TTLL7: variants seen among roughly 807,000 people sequenced by gnomAD.
TTLL7 encodes the protein tubulin tyrosine ligase like 7.
In TTLL7, 53 loss-of-function variants were observed where a neutral mutation model predicts 120.2. The ratio of observed to expected loss-of-function variants is 0.44; its 90% CI spans 0.35 to 0.55. The LOEUF (loss-of-function observed/expected upper bound fraction) is 0.55. Ranked by LOEUF, TTLL7 falls within the 20% of genes least tolerant of loss-of-function variation. The probability of loss-of-function intolerance (pLI) is 0.00; values close to 1 mark genes in which losing one functional copy is unlikely to be tolerated. For missense variants in TTLL7, 803 were observed against 1,054.7 expected (o/e 0.76, Z 3.31); for synonymous variants, 353 against 351.7 (o/e 1.00, Z -0.04).
intron 1 of TTLL7, among the ~76,000 whole-genome samples, chr1:83,975,056 G>A (rs1363292080): frequency 1.3e-5 from 2 of 152,052 alleles, no homozygotes; most frequent in South Asian, 2.1e-4. Flanking sequence ...GATATGAAAA[G>A]TGCTCTGCAC....
chr1:83,931,887 TA>T (rs1659630677), intron 9 of TTLL7, among the ~76,000 whole-genome samples: 1 of 152,168 alleles, frequency 6.6e-6, no homozygotes, highest in Non-Finnish European at 1.5e-5. Context: ...TAACAATGTA[TA>T]TTAGCCCCAC....
intron 1 of TTLL7, among the ~76,000 whole-genome samples, chr1:83,994,654 G>C (rs1653320491): frequency 6.6e-6 from 1 of 152,162 alleles, no homozygotes; most frequent in African/African-American, 2.4e-5. Context: ...GGTCATCTCT[G>C]GCAAATGTAC....
intron 20 of TTLL7, among the ~76,000 whole-genome samples, chr1:83,878,924 TA>T (rs1363346385): frequency 6.6e-6 from 1 of 151,980 alleles, no homozygotes; most frequent in Non-Finnish European, 1.5e-5. Flanking sequence ...TTGGTAAAGA[TA>T]AACCTGGTCC....
chr1:83,950,337 A>G (rs915862611), intron 3 of TTLL7, among the ~76,000 whole-genome samples: 2 of 152,156 alleles, frequency 1.3e-5, no homozygotes, highest in African/African-American at 4.8e-5. Flanking sequence ...AGCTTTTTTT[A>G]TGACCTTCGG....
chr1:83,994,496 G>T (rs991191598), intron 1 of TTLL7, among the ~76,000 whole-genome samples: 1 of 152,204 alleles, frequency 6.6e-6, no homozygotes, highest in Non-Finnish European at 1.5e-5. Context: ...TCCCTACAAT[G>T]AATAGAGGAA....
intron 16 of TTLL7, among the ~76,000 whole-genome samples, chr1:83,906,998 A>G (rs1339780957): frequency 1.3e-5 from 2 of 152,064 alleles, no homozygotes; most frequent in Non-Finnish European, 1.5e-5. Flanking sequence ...ACAAGGGAAT[A>G]CTATATGTTA....
At chr1:83,871,502 A>T (rs1006117459) in intron 20 of TTLL7, among the ~76,000 whole-genome samples, 2 of 152,226 alleles carry the variant, frequency 1.3e-5, no homozygotes, top group Non-Finnish European at 2.9e-5. Flanking sequence ...AGGAATTTCC[A>T]AGAGCAGAAG....
intron 17 of TTLL7, among the ~76,000 whole-genome samples, chr1:83,905,602 T>C (rs935539610): frequency 6.6e-6 from 1 of 150,984 alleles, no homozygotes; most frequent in Non-Finnish European, 1.5e-5. Flanking sequence ...TATATTTTTA[T>C]ATATTTATAA....
In TTLL7 at chr1:83,869,873, C is replaced by T; in HGVS notation, c.*89G>A. 2.7e-6 allele frequency: 4 copies of T among 1,506,626 alleles called. No homozygotes were observed. The highest frequency in any genetic ancestry group is 3.6e-6 in the Non-Finnish European group (4 of 1,115,876). 93.3% of individuals were successfully genotyped at this position (1,506,626 alleles called of 1,614,324 possible). On this transcript the variant is annotated 3_prime_UTR_variant, in exon 21 of 21. Coordinates refer to ENST00000260505, the MANE Select transcript of TTLL7 (RefSeq NM_024686.6). The stretch of plus-strand genomic sequence containing the variant: ...TATGTCTTATATACATAAAACAGCA[C>T]TTAATGGTCATGTTCTTTGCATGTT...
intron 18 of TTLL7, among the ~76,000 whole-genome samples, chr1:83,891,363 G>C (rs905307952): frequency 8.6e-5 from 13 of 151,924 alleles, no homozygotes; most frequent in African/African-American, 3.1e-4. Context: ...AAAAATTAAG[G>C]CTATAATAAG....
rs1179342185 is a variant in TTLL7 at position 83,869,819 on chromosome 1, G to A, written c.*143C>T. The A allele has an allele frequency of 6.2e-6, 4 of 640,872 alleles. No homozygotes were observed. The highest frequency in any genetic ancestry group is 9.9e-6 in the Non-Finnish European group (4 of 405,206). 39.7% of individuals were successfully genotyped at this position (640,872 alleles called of 1,614,324 possible). The stretch of plus-strand genomic sequence containing the variant: ...TATAATAAATATATGTTATTAGGGT[G>A]CATATGTGCATATATTTTCACACAT... On this transcript the variant is annotated 3_prime_UTR_variant, in exon 21 of 21. Coordinates refer to ENST00000260505, the MANE Select transcript of TTLL7 (RefSeq NM_024686.6).
At chr1:83,943,945 T>C (rs974749713) in intron 6 of TTLL7, among the ~76,000 whole-genome samples, 1 of 151,974 alleles carries the variant, frequency 6.6e-6, no homozygotes, top group African/African-American at 2.4e-5. Flanking sequence ...TGAATAGTGA[T>C]AGAAAATTGG....
chr1:83,907,758 T>C lies in TTLL7; in HGVS notation c.1787-97A>G, dbSNP rs1239308374. The C allele has an allele frequency of 1.5e-5, 16 of 1,065,604 alleles. No individual in the cohort carries two copies. The South Asian group carries it at 2.4e-4, about 16-fold the overall frequency. The allele number at this position is 1,065,604 out of a possible 1,614,324, so 66.0% of individuals were successfully genotyped here. A position where few individuals can be genotyped will look rare whatever the true frequency, so the allele number is the denominator to read the frequency against. On this transcript the variant is annotated intron_variant, in intron 15 of 20. Coordinates refer to ENST00000260505, the MANE Select transcript of TTLL7 (RefSeq NM_024686.6). ...ATAAACTAAAGATTATAGCAGCTAG[T>C]AGTAAAGTAGCAATAAATGTCAAAG...
intron 3 of TTLL7, among the ~76,000 whole-genome samples, chr1:83,951,524 G>A (rs1478778876): frequency 6.6e-6 from 1 of 152,014 alleles, no homozygotes. Flanking sequence ...ATCTTATTAT[G>A]AAATTCACAG....
At chr1:83,983,120 T>C (rs1652124529) in intron 1 of TTLL7, among the ~76,000 whole-genome samples, 2 of 151,974 alleles carry the variant, frequency 1.3e-5, no homozygotes, top group African/African-American at 4.8e-5. Flanking sequence ...GCAGTTGAGG[T>C]CAGGAGTTCG....
chr1:83,991,480 T>G (rs1652994421), intron 1 of TTLL7, among the ~76,000 whole-genome samples: 1 of 151,928 alleles, frequency 6.6e-6, no homozygotes, highest in South Asian at 2.1e-4. Context: ...ACCCTGTCTT[T>G]ACGAAAAATA....
At chr1:83,988,421 G>C (rs569537358) in intron 1 of TTLL7, among the ~76,000 whole-genome samples, 3 of 152,150 alleles carry the variant, frequency 2.0e-5, no homozygotes, top group African/African-American at 7.2e-5. Context: ...TTGCTGGGTC[G>C]AATAGTAGTT....
intron 2 of TTLL7, 62 bp from the exon 3 acceptor site, chr1:83,952,038 A>G (rs1393548333): frequency 5.8e-6 from 9 of 1,554,550 alleles, no homozygotes; most frequent in African/African-American, 1.4e-5. Context: ...CAGACAACAC[A>G]AATACCACCC....
chr1:83,968,189 G>A (rs1650656937), intron 1 of TTLL7, among the ~76,000 whole-genome samples: 1 of 151,988 alleles, frequency 6.6e-6, no homozygotes, highest in South Asian at 2.1e-4. Context: ...GCAAATAATA[G>A]TGGATGGCCA....
Sources: allele counts gnomAD v4.1 joint callset (sites outside exome capture counted in the v4.1 genomes callset), GRCh38; gene constraint gnomAD v4.1.1; transcripts MANE v1.5; gene names NCBI Gene and HGNC (gene_info 2026-07-23, HGNC 2026-07-21).